The following AP1G1 variants were observed in gnomAD, a reference collection of about 807,000 sequenced individuals.
AP1G1 encodes AP-1 complex subunit gamma-1.
Under a neutral mutation model 108.3 loss-of-function variants are expected in AP1G1, and 7 were observed. That is an observed-to-expected ratio of 0.06 (90% CI 0.04 to 0.12). The LOEUF (loss-of-function observed/expected upper bound fraction) is 0.12. AP1G1 is among the 10% of genes least tolerant of loss of function. The pLI, the probability that AP1G1 is intolerant of heterozygous loss-of-function variation, is 1.00. For missense variants in AP1G1, 756 were observed against 1,010.7 expected (o/e 0.75, Z 3.42); for synonymous variants, 379 against 353.5 (o/e 1.07, Z -0.81).
chr16:71,802,589 G>A (rs1446401755), intron 1 of AP1G1, among the ~76,000 whole-genome samples: 1 of 152,084 alleles, frequency 6.6e-6, no homozygotes, highest in Non-Finnish European at 1.5e-5. Flanking sequence ...AATTAACTGG[G>A]CATGGTGGCG....
chr16:71,740,780 T>C (rs1014800145), intron 19 of AP1G1, among the ~76,000 whole-genome samples: 6 of 152,238 alleles, frequency 3.9e-5, no homozygotes, highest in African/African-American at 2.4e-5. Context: ...TACTTTAGGA[T>C]AGACAGTAGT....
intron 1 of AP1G1, among the ~76,000 whole-genome samples, chr16:71,793,542 T>TA (rs2032477940): frequency 1.3e-5 from 2 of 151,996 alleles, no homozygotes; most frequent in African/African-American, 4.8e-5. Context: ...AACAAATAAA[T>TA]AAAAACCTAT....
intron 19 of AP1G1, 133 bp from the exon 20 acceptor site, chr16:71,739,474 CA>C (rs1440556830): frequency 1.5e-6 from 1 of 646,962 alleles, no homozygotes; most frequent in East Asian, 3.2e-5. Context: ...GCATAGACCA[CA>C]AAGAGAAAGA....
At chr16:71,785,402 C>G (rs771496550) in intron 2 of AP1G1, among the ~76,000 whole-genome samples, 1 of 151,040 alleles carries the variant, frequency 6.6e-6, no homozygotes, top group Non-Finnish European at 1.5e-5. Context: ...ATGGTGAAAC[C>G]CTGTCTCTAC....
At chr16:71,783,171 G>A (rs1006496329) in intron 2 of AP1G1, among the ~76,000 whole-genome samples, 5 of 152,002 alleles carry the variant, frequency 3.3e-5, no homozygotes, top group South Asian at 2.1e-4. Context: ...ATTTGTTTAC[G>A]GCTTTAACAA....
intron 11 of AP1G1, among the ~76,000 whole-genome samples, chr16:71,757,950 GCT>G (rs202065063): frequency 0.01 from 1,549 of 152,222 alleles, 22 homozygotes; most frequent in South Asian, 0.043. Flanking sequence ...AGTTGCTTAG[GCT>G]CTCTCATTGG....
intron 1 of AP1G1, chr16:71,806,790 G>T (rs754231071): frequency 9.6e-7 from 1 of 1,043,348 alleles, no homozygotes; most frequent in Non-Finnish European, 1.3e-6. Context: ...GTATCTAATA[G>T]TAACTAATAT....
chr16:71,754,323 GAGAA>G (rs1019647013), intron 12 of AP1G1, among the ~76,000 whole-genome samples: 6 of 147,544 alleles, frequency 4.1e-5, no homozygotes, highest in African/African-American at 1.5e-4. Context: ...AAAAAAGAGA[GAGAA>G]AGAAAAGAAA....
At chr16:71,757,768 C>CT (rs1303889490) in intron 11 of AP1G1, among the ~76,000 whole-genome samples, 2 of 152,204 alleles carry the variant, frequency 1.3e-5, no homozygotes, top group East Asian at 1.9e-4. Flanking sequence ...ACAAGTTTCA[C>CT]TTTTTTTGAA....
At chr16:71,768,978 C>CAAAAAAAA (rs59451625) in intron 6 of AP1G1, among the ~76,000 whole-genome samples, 4 of 65,018 alleles carry the variant, frequency 6.2e-5, no homozygotes, top group Non-Finnish European at 7.7e-5. Context: ...AAAAAAAATA[C>CAAAAAAAA]AAAAAAAAAA....
intron 2 of AP1G1, among the ~76,000 whole-genome samples, chr16:71,781,561 G>A (rs2032019105): frequency 6.6e-6 from 1 of 152,064 alleles, no homozygotes; most frequent in South Asian, 2.1e-4. Flanking sequence ...TACTACACAT[G>A]GAGAGACAGG....
chr16:71,764,642 T>C lies in AP1G1; in HGVS notation c.819+4A>G, dbSNP rs111379670. ...TATATATTTAATATGTTTGGTCTAC[T>C]CACCTGTGCTAATATATCATTCATA... On this transcript the variant is annotated splice_donor_region_variant and intron_variant, in intron 8 of 22. Transcript: ENST00000299980. 389 of 1,585,052 alleles carry C rather than the reference T, an allele frequency of 2.5e-4. 1 individual carries two copies. The African/African-American group carries it at 4.9e-3, about 20-fold the overall frequency.
intron 1 of AP1G1, among the ~76,000 whole-genome samples, chr16:71,804,991 A>G (rs1012736312): frequency 1.3e-5 from 2 of 152,178 alleles, no homozygotes; most frequent in African/African-American, 4.8e-5. Flanking sequence ...AGCCTGGGTG[A>G]AAGAGTGAGA....
At chr16:71,739,436 G>GA in intron 19 of AP1G1, 95 bp from the exon 20 acceptor site, 1 of 968,112 alleles carries the variant, frequency 1.0e-6, no homozygotes, top group East Asian at 2.7e-5. Context: ...TCAGGTTAAG[G>GA]AAAGATTCCT....
intron 3 of AP1G1, 149 bp from the exon 4 acceptor site, chr16:71,773,511 A>G (rs1026861218): frequency 3.9e-5 from 30 of 776,468 alleles, no homozygotes; most frequent in Non-Finnish European, 5.4e-5. Flanking sequence ...TCCCAACTTT[A>G]TTACAAATTA....
chr16:71,807,861 GA>G (rs749517248), intron 1 of AP1G1: 33 of 1,267,674 alleles, frequency 2.6e-5, no homozygotes, highest in Admixed American at 9.7e-5. Context: ...TAATAGGGGA[GA>G]AAAAAAAATA....
chr16:71,771,622 T>C (rs1297862294), intron 4 of AP1G1, among the ~76,000 whole-genome samples: 4 of 152,248 alleles, frequency 2.6e-5, no homozygotes, highest in Admixed American at 6.5e-5. Flanking sequence ...ACCTCTCCCT[T>C]TGTTCATATA....
chr16:71,735,673 G>A (rs1339890319), intron 21 of AP1G1, among the ~76,000 whole-genome samples: 1 of 151,508 alleles, frequency 6.6e-6, no homozygotes, highest in Admixed American at 6.6e-5. Context: ...AAAAAAAAGT[G>A]CTATATAGGG....
At chr16:71,736,579 TTTATTTATTTA>T (rs2045547973) in intron 21 of AP1G1, among the ~76,000 whole-genome samples, 2 of 139,814 alleles carry the variant, frequency 1.4e-5, no homozygotes, top group Non-Finnish European at 3.1e-5. Flanking sequence ...TATTTATTTA[TTTATTTATTTA>T]TTTATTTATT....
Sources: allele counts gnomAD v4.1 joint callset (sites outside exome capture counted in the v4.1 genomes callset), GRCh38; gene constraint gnomAD v4.1.1; transcripts MANE v1.5; gene names NCBI Gene and HGNC (gene_info 2026-07-23, HGNC 2026-07-21).